The following IL1RAPL1 variants were observed in gnomAD, a reference collection of about 807,000 sequenced individuals.
The protein encoded by IL1RAPL1 is interleukin 1 receptor accessory protein like 1, also known as interleukin-1 receptor accessory protein-like 1.
A neutral mutation model predicts 48.4 loss-of-function variants in IL1RAPL1; 3 were observed. The observed-to-expected ratio is 0.06, with a 90% CI of 0.03 to 0.16. The LOEUF is 0.16. Among genes scored for constraint, IL1RAPL1 ranks in the 10% least tolerant of loss-of-function variants. The probability of loss-of-function intolerance (pLI) is 1.00; values close to 1 mark genes in which losing one functional copy is unlikely to be tolerated. For synonymous variants in IL1RAPL1, 185 were observed against 187.7 expected, an observed-to-expected ratio of 0.99 and a Z score of 0.12; for missense variants, 349 against 530.6, an observed-to-expected ratio of 0.66 and a Z score of 3.36.
chrX:29,259,230 TTTC>T (rs1931809093), intron 2 of IL1RAPL1, among the ~76,000 whole-genome samples: 1 of 111,943 alleles, frequency 8.9e-6, no homozygotes, highest in Non-Finnish European at 1.9e-5. Context: ...GATACCATAC[TTTC>T]TTAACTCAAT....
intron 1 of IL1RAPL1, among the ~76,000 whole-genome samples, chrX:28,780,373 G>GTCTC (rs1936410657): frequency 9.3e-6 from 1 of 107,141 alleles, no homozygotes. Context: ...GTGTCTGTCT[G>GTCTC]TCTGTCCAGA....
intron 1 of IL1RAPL1, among the ~76,000 whole-genome samples, chrX:28,627,401 T>C (rs768385929): frequency 1.8e-5 from 2 of 111,701 alleles, no homozygotes; most frequent in Admixed American, 1.9e-4. Flanking sequence ...TTCTGAAGGA[T>C]AGAAATTTAA....
intron 2 of IL1RAPL1, among the ~76,000 whole-genome samples, chrX:28,902,581 A>G (rs16988382): frequency 0.027 from 2,966 of 111,899 alleles, 42 homozygotes; most frequent in Middle Eastern, 0.06. Flanking sequence ...TGTCTTTTCT[A>G]TATCATTTTC....
chrX:28,863,985 A>G (rs941878872), intron 2 of IL1RAPL1, among the ~76,000 whole-genome samples: 3 of 112,129 alleles, frequency 2.7e-5, no homozygotes, highest in African/African-American at 9.7e-5. Context: ...AAGACAATTG[A>G]ATACCAATGT....
chrX:29,420,573 C>T (rs1934278889), intron 5 of IL1RAPL1, among the ~76,000 whole-genome samples: 1 of 112,261 alleles, frequency 8.9e-6, no homozygotes, highest in African/African-American at 3.2e-5. Context: ...TTCCCCTCCA[C>T]AGTGATTTGG....
chrX:29,424,576 G>A (rs1254839590), intron 5 of IL1RAPL1, among the ~76,000 whole-genome samples: 2 of 111,647 alleles, frequency 1.8e-5, no homozygotes, highest in Non-Finnish European at 3.8e-5. Flanking sequence ...TTATCTATGA[G>A]GCAAAGAGTG....
intron 2 of IL1RAPL1, among the ~76,000 whole-genome samples, chrX:29,054,594 T>C (rs1347229107): frequency 5.4e-5 from 6 of 111,135 alleles, no homozygotes; most frequent in Non-Finnish European, 9.4e-5. Context: ...TAAGGTGTTC[T>C]AGGAAGCAAG....
At chrX:29,657,612 T>C (rs143063531) in intron 5 of IL1RAPL1, among the ~76,000 whole-genome samples, 16,946 of 111,717 alleles carry the variant, frequency 0.15, 1,406 homozygotes, top group African/African-American at 0.32. Flanking sequence ...GTGCCTTTTT[T>C]GTGTTCCAAA....
At chrX:29,061,619 C>T (rs1014664985) in intron 2 of IL1RAPL1, among the ~76,000 whole-genome samples, 1 of 111,342 alleles carries the variant, frequency 9.0e-6, no homozygotes, top group African/African-American at 3.3e-5. Flanking sequence ...CCACCAGGCC[C>T]GGCTAATTTT....
chrX:28,609,628 T>TACACACACACAC (rs3078234), intron 1 of IL1RAPL1, among the ~76,000 whole-genome samples: 117 of 89,438 alleles, frequency 1.3e-3, no homozygotes, highest in South Asian at 5.4e-3. Context: ...TGCATGTTCT[T>TACACACACACAC]ACACACACAC....
chrX:28,791,578 A>C (rs1198319254), intron 2 of IL1RAPL1, among the ~76,000 whole-genome samples: 1 of 112,112 alleles, frequency 8.9e-6, no homozygotes, highest in African/African-American at 3.2e-5. Context: ...ACGTAATTAT[A>C]TAATACCTTC....
chrX:29,825,360 T>A (rs1431156528), intron 6 of IL1RAPL1, among the ~76,000 whole-genome samples: 1 of 111,351 alleles, frequency 9.0e-6, no homozygotes, highest in African/African-American at 3.3e-5. Flanking sequence ...TCAATATGAA[T>A]CTTTATGAGA....
At chrX:29,048,128 G>A (rs1927015849) in intron 2 of IL1RAPL1, among the ~76,000 whole-genome samples, 1 of 111,162 alleles carries the variant, frequency 9.0e-6, no homozygotes, top group African/African-American at 3.3e-5. Flanking sequence ...ACATATTAAT[G>A]TGCCAGCCCA....
At chrX:28,934,884 A>G (rs577490855) in intron 2 of IL1RAPL1, among the ~76,000 whole-genome samples, 1 of 111,894 alleles carries the variant, frequency 8.9e-6, no homozygotes, top group East Asian at 2.8e-4. Context: ...CTTTATGAAT[A>G]GAAATGCTGT....
chrX:28,953,350 G>A (rs1183161059), intron 2 of IL1RAPL1, among the ~76,000 whole-genome samples: 1 of 111,159 alleles, frequency 9.0e-6, no homozygotes, highest in Non-Finnish European at 1.9e-5. Flanking sequence ...AATCTGTATG[G>A]CATGCAATTA....
chrX:29,699,611 A>C (rs1415795916), intron 6 of IL1RAPL1, among the ~76,000 whole-genome samples: 1 of 112,030 alleles, frequency 8.9e-6, no homozygotes, highest in East Asian at 2.8e-4. Flanking sequence ...AGAAATTCCA[A>C]ATTTTCCCAG....
At chrX:29,183,657 C>G (rs1354729704) in intron 2 of IL1RAPL1, among the ~76,000 whole-genome samples, 1 of 111,980 alleles carries the variant, frequency 8.9e-6, no homozygotes. Context: ...AGATGCCCTC[C>G]TCTCTCCTCT....
chrX:29,618,084 G>A (rs5972490), intron 5 of IL1RAPL1, among the ~76,000 whole-genome samples: 40,312 of 110,854 alleles, frequency 0.36, 5,670 homozygotes, highest in African/African-American at 0.52. Flanking sequence ...AGAGAATACT[G>A]TGAAAGCATT....
chrX:28,751,281 C>T (rs939336238), intron 1 of IL1RAPL1, among the ~76,000 whole-genome samples: 8 of 111,360 alleles, frequency 7.2e-5, no homozygotes, highest in African/African-American at 2.6e-4. Flanking sequence ...AATAATCTTC[C>T]ATAAAAGTCT....
Sources: gnomAD v4.1 joint callset for allele counts (sites outside exome capture counted in the v4.1 genomes callset) on GRCh38, gnomAD v4.1.1 for gene constraint, MANE v1.5 for transcripts, NCBI Gene and HGNC (gene_info 2026-07-23, HGNC 2026-07-21) for gene names.